The following NELL1 variants were observed in gnomAD, a reference collection of about 807,000 sequenced individuals.
The protein encoded by NELL1 is protein kinase C-binding protein NELL1.
NELL1 carries 76 observed loss-of-function variants against 107.4 expected under a neutral mutation model. The observed-to-expected ratio is 0.71, with a 90% CI of 0.59 to 0.86. NELL1 has a LOEUF of 0.86. Among genes scored for constraint, NELL1 ranks in the 40% least tolerant of loss-of-function variants. The pLI is 0.00. For synonymous variants in NELL1, 353 were observed against 341.2 expected (o/e 1.03, Z -0.38); for missense variants, 1,024 against 1,005.5 (o/e 1.02, Z -0.25).
chr11:20,758,844 A>G (rs542010481), intron 2 of NELL1, among the ~76,000 whole-genome samples: 7 of 152,364 alleles, frequency 4.6e-5, no homozygotes, highest in Non-Finnish European at 4.4e-5. Flanking sequence ...TCAGTTGAGG[A>G]TGACTGTTTT....
chr11:21,007,420 C>T (rs558752239), intron 12 of NELL1, among the ~76,000 whole-genome samples: 28 of 152,128 alleles, frequency 1.8e-4, no homozygotes, highest in African/African-American at 6.7e-4. Context: ...CACAGACAGA[C>T]ACGCACATCA....
intron 12 of NELL1, among the ~76,000 whole-genome samples, chr11:21,004,628 A>G (rs533092263): frequency 1.7e-4 from 26 of 152,226 alleles, no homozygotes; most frequent in Non-Finnish European, 2.9e-4. Flanking sequence ...TAAGTGAGAT[A>G]AGAGTAATAA....
At chr11:21,524,103 G>A (rs1442550026) in intron 15 of NELL1, among the ~76,000 whole-genome samples, 1 of 152,018 alleles carries the variant, frequency 6.6e-6, no homozygotes, top group Non-Finnish European at 1.5e-5. Flanking sequence ...ATTCCCCCAA[G>A]TGTACAAGAG....
At chr11:21,463,130 T>A (rs1853941677) in intron 15 of NELL1, among the ~76,000 whole-genome samples, 1 of 152,052 alleles carries the variant, frequency 6.6e-6, no homozygotes, top group African/African-American at 2.4e-5. Flanking sequence ...TCTTCTGAGT[T>A]ATGGTGTCTC....
At chr11:21,239,264 G>T (rs532928477) in intron 14 of NELL1, among the ~76,000 whole-genome samples, 1 of 151,966 alleles carries the variant, frequency 6.6e-6, no homozygotes, top group Non-Finnish European at 1.5e-5. Flanking sequence ...TAGTCATTTT[G>T]TGTCCTTATT....
chr11:21,573,101 G>A (rs977692862), intron 18 of NELL1, 84 bp from the exon 19 acceptor site: 110 of 994,532 alleles, frequency 1.1e-4, no homozygotes, highest in Admixed American at 1.7e-4. Flanking sequence ...GAGAATTACT[G>A]TGCTCTCTTT....
At chr11:21,410,989 TC>T (rs1192521849) in intron 15 of NELL1, among the ~76,000 whole-genome samples, 1 of 152,062 alleles carries the variant, frequency 6.6e-6, no homozygotes, top group South Asian at 2.1e-4. Flanking sequence ...CCAGTTTGTT[TC>T]CCTTAATATA....
intron 4 of NELL1, among the ~76,000 whole-genome samples, chr11:20,868,075 T>C (rs923604186): frequency 6.6e-6 from 1 of 152,220 alleles, no homozygotes; most frequent in African/African-American, 2.4e-5. Flanking sequence ...AGCATCTCAT[T>C]TGACCTTCAG....
intron 3 of NELL1, among the ~76,000 whole-genome samples, chr11:20,803,299 G>T (rs1857316093): frequency 6.6e-6 from 1 of 152,082 alleles, no homozygotes; most frequent in South Asian, 2.1e-4. Context: ...TTGGGAGGTT[G>T]TATCTGTCTA....
chr11:20,773,201 C>G (rs933979607), intron 2 of NELL1, among the ~76,000 whole-genome samples: 1 of 152,224 alleles, frequency 6.6e-6, no homozygotes, highest in Non-Finnish European at 1.5e-5. Context: ...TCAGCCCCAG[C>G]TGCAGCACCA....
At chr11:20,960,645 A>G (rs1480259375) in intron 12 of NELL1, 85 bp downstream of exon 12, 4 of 1,474,376 alleles carry the variant, frequency 2.7e-6, no homozygotes, top group Non-Finnish European at 3.7e-6. Flanking sequence ...AGTGAAAACT[A>G]TCACTTGGCT....
chr11:20,952,794 C>G (rs1490197911), intron 11 of NELL1, among the ~76,000 whole-genome samples: 1 of 152,114 alleles, frequency 6.6e-6, no homozygotes, highest in Non-Finnish European at 1.5e-5. Flanking sequence ...CACATTTTCC[C>G]AGAGAGAAAA....
intron 4 of NELL1, among the ~76,000 whole-genome samples, chr11:20,855,829 T>C (rs920260604): frequency 2.0e-5 from 3 of 152,104 alleles, no homozygotes; most frequent in Non-Finnish European, 4.4e-5. Flanking sequence ...GAAAAGATCA[T>C]TGGGGATAAA....
chr11:20,868,501 A>G (rs1310895463), intron 4 of NELL1, among the ~76,000 whole-genome samples: 2 of 152,216 alleles, frequency 1.3e-5, no homozygotes, highest in Non-Finnish European at 2.9e-5. Context: ...AATTAATGTT[A>G]CTGAATTGTA....
chr11:21,084,582 G>A (rs1854345926), intron 12 of NELL1, among the ~76,000 whole-genome samples: 1 of 152,130 alleles, frequency 6.6e-6, no homozygotes, highest in South Asian at 2.1e-4. Flanking sequence ...TGGGTGAAAT[G>A]GTGGTTTGCA....
Position 21,456,251 on chromosome 11 carries a change from A to G in NELL1, c.1646-78123A>G, listed in dbSNP as rs1452407080. ...ATGTTGTATTGCTTGATATTATTCT[A>G]TATGTTTCTGAGACTTCATTTTTCC... is the stretch of plus-strand genomic sequence containing the variant. On this transcript the variant is annotated intron_variant, in intron 15 of 19. Coordinates refer to ENST00000357134, the MANE Select transcript of NELL1 (RefSeq NM_006157.5). Among the ~76,000 whole-genome samples the G allele has an allele frequency of 3.3e-5, 5 of 151,684 alleles. No homozygotes were observed. The East Asian group carries it at 9.7e-4, about 29-fold the overall frequency.
intron 13 of NELL1, among the ~76,000 whole-genome samples, chr11:21,133,605 G>C (rs537704869): frequency 1.3e-5 from 2 of 152,176 alleles, no homozygotes; most frequent in Non-Finnish European, 2.9e-5. Context: ...TGGTGTGTCA[G>C]TGCTGCCCTG....
chr11:20,943,314 T>G (rs1850895313), intron 10 of NELL1, among the ~76,000 whole-genome samples: 1 of 152,084 alleles, frequency 6.6e-6, no homozygotes, highest in Admixed American at 6.6e-5. Context: ...AACATATTTA[T>G]CTCGGCCGGG....
intron 15 of NELL1, among the ~76,000 whole-genome samples, chr11:21,403,923 G>T (rs1169022002): frequency 2.0e-5 from 3 of 149,098 alleles, no homozygotes; most frequent in Non-Finnish European, 3.0e-5. Context: ...AGAATGAGCA[G>T]CTAGAGCGTT....
Sources: gnomAD v4.1 joint callset for allele counts (sites outside exome capture counted in the v4.1 genomes callset) on GRCh38, gnomAD v4.1.1 for gene constraint, MANE v1.5 for transcripts, NCBI Gene and HGNC (gene_info 2026-07-23, HGNC 2026-07-21) for gene names.